Variants in EPHA6 observed in about 807,000 individuals in gnomAD.
The protein encoded by EPHA6 is ephrin type-A receptor 6.
Under a neutral mutation model 112.0 loss-of-function variants are expected in EPHA6, and 50 were observed. That is an observed-to-expected ratio of 0.45 (90% CI 0.36 to 0.56). EPHA6 has a LOEUF of 0.56. Ranked by LOEUF, EPHA6 falls within the 20% of genes least tolerant of loss-of-function variation. The pLI is 0.00. For missense variants in EPHA6, 1,280 were observed against 1,417.4 expected, an observed-to-expected ratio of 0.90 and a Z score of 1.56; for synonymous variants, 529 against 490.7, an observed-to-expected ratio of 1.08 and a Z score of -1.03.
chr3:97,613,579 T>C (rs993365816), intron 13 of EPHA6, among the ~76,000 whole-genome samples: 12 of 152,192 alleles, frequency 7.9e-5, no homozygotes, highest in Non-Finnish European at 1.6e-4. Flanking sequence ...TTTGGGATCC[T>C]TGGGGACATT....
intron 5 of EPHA6, among the ~76,000 whole-genome samples, chr3:97,291,349 G>C (rs1253595557): frequency 6.6e-6 from 1 of 152,140 alleles, no homozygotes; most frequent in East Asian, 1.9e-4. Context: ...GTGTGTTGCT[G>C]TTAGAAAATG....
At chr3:97,612,490 C>T (rs2093728777) in intron 13 of EPHA6, 2 of 329,412 alleles carry the variant, frequency 6.1e-6, no homozygotes, top group East Asian at 1.5e-4. Context: ...GAAATATTAG[C>T]TTCTCCCCTA....
intron 11 of EPHA6, among the ~76,000 whole-genome samples, chr3:97,550,629 G>A (rs1043571866): frequency 5.3e-5 from 8 of 152,222 alleles, no homozygotes; most frequent in Non-Finnish European, 1.0e-4. Context: ...TGACTGCATC[G>A]AGAGCCTTGC....
intron 11 of EPHA6, among the ~76,000 whole-genome samples, chr3:97,558,305 C>T (rs2093141986): frequency 6.6e-6 from 1 of 151,970 alleles, no homozygotes; most frequent in Middle Eastern, 3.2e-3. Flanking sequence ...AACTTCCCCT[C>T]TTGTGATATG....
chr3:97,365,290 A>G (rs1055257706), intron 5 of EPHA6, among the ~76,000 whole-genome samples: 3 of 152,214 alleles, frequency 2.0e-5, no homozygotes, highest in Admixed American at 6.5e-5. Flanking sequence ...AAAGCAGTAG[A>G]TGAGCCTCGA....
chr3:97,080,088 A>G (rs2046673970), intron 3 of EPHA6, among the ~76,000 whole-genome samples: 1 of 152,152 alleles, frequency 6.6e-6, no homozygotes, highest in Non-Finnish European at 1.5e-5. Flanking sequence ...TACTGAACCC[A>G]CAATATCTCC....
At chr3:97,464,482 G>A (rs1390420313) in intron 7 of EPHA6, among the ~76,000 whole-genome samples, 1 of 152,032 alleles carries the variant, frequency 6.6e-6, no homozygotes, top group African/African-American at 2.4e-5. Flanking sequence ...ATGTTGAGAA[G>A]CCCAACCAGT....
At chr3:97,701,952 C>A (rs148712581) in intron 14 of EPHA6, among the ~76,000 whole-genome samples, 11 of 152,188 alleles carry the variant, frequency 7.2e-5, no homozygotes, top group African/African-American at 2.2e-4. Flanking sequence ...TTTAAATGTT[C>A]TCAAAGGTGG....
intron 3 of EPHA6, among the ~76,000 whole-genome samples, chr3:97,014,391 T>A (rs2044196558): frequency 6.6e-6 from 1 of 151,428 alleles, no homozygotes. Flanking sequence ...CCTTTTTCTT[T>A]CCTCTCTCCC....
rs759343074 is a variant in EPHA6, at chr3:97,390,370, A to G, written c.1607-14780A>G. On this transcript the variant is annotated intron_variant, in intron 5 of 17. Transcript: ENST00000389672. Reference sequence around the variant, plus strand: ...AGCATTCCCTTCAGTAGCCAGCAGTATGAGCACGTTCTCCCTTTCTGTGAC... The same window carrying G: ...AGCATTCCCTTCAGTAGCCAGCAGTGTGAGCACGTTCTCCCTTTCTGTGAC... Among the ~76,000 whole-genome samples the G allele has an allele frequency of 3.3e-5, 5 of 152,076 alleles. No individual in the cohort carries two copies. In the Middle Eastern group the frequency reaches 0.014, roughly 417 times the overall value.
At chr3:97,067,867 G>T (rs552745691) in intron 3 of EPHA6, among the ~76,000 whole-genome samples, 9 of 152,186 alleles carry the variant, frequency 5.9e-5, no homozygotes, top group Admixed American at 1.3e-4. Flanking sequence ...GATAGGCCAG[G>T]CATGGTGGCT....
intron 6 of EPHA6, among the ~76,000 whole-genome samples, chr3:97,437,665 GGTT>G (rs550613557): frequency 1.2e-3 from 186 of 151,922 alleles, no homozygotes; most frequent in African/African-American, 4.3e-3. Flanking sequence ...TCAATTTTTT[GGTT>G]GTTGTTTTTG....
intron 3 of EPHA6, among the ~76,000 whole-genome samples, chr3:97,026,345 A>G (rs183702129): frequency 3.3e-5 from 5 of 152,272 alleles, no homozygotes; most frequent in Admixed American, 2.0e-4. Flanking sequence ...CATTGAATCT[A>G]TAAATTGCTT....
chr3:97,242,628 G>A (rs572190940), intron 4 of EPHA6, among the ~76,000 whole-genome samples: 1 of 151,914 alleles, frequency 6.6e-6, no homozygotes, highest in East Asian at 1.9e-4. Flanking sequence ...ATCTAGTAGA[G>A]TATCTGCCAC....
intron 15 of EPHA6, among the ~76,000 whole-genome samples, chr3:97,730,217 C>T (rs989474511): frequency 6.6e-6 from 1 of 151,984 alleles, no homozygotes; most frequent in Non-Finnish European, 1.5e-5. Context: ...ATTCAGAAAC[C>T]ATCAAGAAAA....
intron 2 of EPHA6, among the ~76,000 whole-genome samples, chr3:96,877,450 C>A (rs1255350268): frequency 1.3e-5 from 2 of 151,992 alleles, no homozygotes; most frequent in Non-Finnish European, 2.9e-5. Flanking sequence ...GAATTAATGA[C>A]CGGTTTAGAA....
intron 3 of EPHA6, among the ~76,000 whole-genome samples, chr3:97,039,854 A>G (rs939454589): frequency 1.3e-5 from 2 of 151,998 alleles, no homozygotes; most frequent in African/African-American, 4.8e-5. Flanking sequence ...ACACTGAGCA[A>G]ATTGCAGTCT....
rs1291530859 is a variant in EPHA6, at chr3:97,205,592, CAGG to C, written c.1115-20671_1115-20669del. ...ACAGAAGGTTGACTTTTCATATGCA[CAGG>C]TTTCACAGGGCTGACAGTGAGGCTT... On this transcript the variant is annotated intron_variant, in intron 3 of 17. Transcript: ENST00000389672. Among the ~76,000 whole-genome samples the C allele has an allele frequency of 5.3e-5, 8 of 152,084 alleles. No individual in the cohort carries two copies. The South Asian group carries it at 1.2e-3, about 24-fold the overall frequency.
At chr3:96,908,040 G>T (rs2039026671) in intron 2 of EPHA6, among the ~76,000 whole-genome samples, 1 of 151,888 alleles carries the variant, frequency 6.6e-6, no homozygotes, top group East Asian at 1.9e-4. Flanking sequence ...TTGCTTGTAG[G>T]CTGCAAACCT....
Sources: gnomAD v4.1 joint callset for allele counts (sites outside exome capture counted in the v4.1 genomes callset) on GRCh38, gnomAD v4.1.1 for gene constraint, MANE v1.5 for transcripts, NCBI Gene and HGNC (gene_info 2026-07-23, HGNC 2026-07-21) for gene names.